Variants in KCNH1 observed in about 807,000 individuals in gnomAD.
KCNH1 encodes voltage-gated delayed rectifier potassium channel KCNH1.
A neutral mutation model predicts 69.2 loss-of-function variants in KCNH1; 27 were observed. The observed-to-expected ratio is 0.39, with a 90% CI of 0.29 to 0.54. The LOEUF (loss-of-function observed/expected upper bound fraction) is 0.54, where lower values mean the gene tolerates loss of function less well. Among genes scored for constraint, KCNH1 ranks in the 20% least tolerant of loss-of-function variants. The probability of loss-of-function intolerance (pLI) is 0.68; values close to 1 mark genes in which losing one functional copy is unlikely to be tolerated. For missense variants in KCNH1, 798 were observed against 1,261.6 expected (o/e 0.63, Z 5.57); for synonymous variants, 456 against 487.7 (o/e 0.93, Z 0.86).
At chr1:210,771,446 G>A (rs368475093) in intron 10 of KCNH1, among the ~76,000 whole-genome samples, 56 of 152,306 alleles carry the variant, frequency 3.7e-4, no homozygotes, top group African/African-American at 1.3e-3. Context: ...ACTTCCCAGA[G>A]CGACTGATCC....
At chr1:210,914,742 CAA>C in intron 7 of KCNH1, among the ~76,000 whole-genome samples, 1 of 152,198 alleles carries the variant, frequency 6.6e-6, no homozygotes, top group East Asian at 1.9e-4. Context: ...GAAATGCTCA[CAA>C]GAGTCCCTTT....
intron 8 of KCNH1, 91 bp from the exon 9 acceptor site, chr1:210,797,851 A>G (rs1358175414): frequency 1.4e-6 from 2 of 1,405,924 alleles, no homozygotes; most frequent in Non-Finnish European, 1.9e-6. Context: ...AGCAACATCC[A>G]CTACGCCAGA....
intron 5 of KCNH1, among the ~76,000 whole-genome samples, chr1:211,076,632 T>C (rs996016387): frequency 2.0e-5 from 3 of 152,058 alleles, no homozygotes; most frequent in Admixed American, 6.5e-5. Context: ...CAAAGGTAGA[T>C]AAAACCACAA....
At chr1:211,002,313 CGTGTATATATATATGTGTGTGT>C (rs1689200901) in intron 6 of KCNH1, among the ~76,000 whole-genome samples, 1 of 133,748 alleles carries the variant, frequency 7.5e-6, no homozygotes, top group Non-Finnish European at 1.6e-5. Context: ...TACATGTATA[CGTGTATATATATATGTGTGTGT>C]GTGTATATAT....
rs905212788 is a variant in KCNH1 at position 211,121,229 on chromosome 1, C to T, written c.79+12638G>A. ...AAGACCCTATATAGCCAAGACAATC[C>T]TAAGCAAAAAGAACAAAACTGGAGG... is the stretch of plus-strand genomic sequence containing the variant. On this transcript the variant is annotated intron_variant, in intron 1 of 10. Transcript: ENST00000271751. Among the ~76,000 whole-genome samples the T allele has an allele frequency of 2.6e-5, 4 of 152,058 alleles. No homozygotes were observed. In the East Asian group the frequency reaches 7.7e-4, roughly 29 times the overall value.
intron 6 of KCNH1, among the ~76,000 whole-genome samples, chr1:210,938,998 A>T (rs1056933978): frequency 4.6e-5 from 7 of 152,138 alleles, no homozygotes; most frequent in African/African-American, 1.7e-4. Context: ...GTCTTTATGG[A>T]TGAAAAATTG....
chr1:210,982,561 T>C (rs1375349342), intron 6 of KCNH1, among the ~76,000 whole-genome samples: 3 of 152,224 alleles, frequency 2.0e-5, no homozygotes, highest in Non-Finnish European at 4.4e-5. Context: ...AGAATGATGG[T>C]TTCCAGTTTC....
chr1:211,038,129 T>G (rs530812218), intron 5 of KCNH1, among the ~76,000 whole-genome samples: 11 of 151,788 alleles, frequency 7.2e-5, no homozygotes, highest in Admixed American at 7.2e-4. Context: ...CTGGCTAAAT[T>G]TTTTGTATTT....
intron 5 of KCNH1, among the ~76,000 whole-genome samples, chr1:211,049,460 G>A (rs79793833): frequency 2.2e-3 from 338 of 152,300 alleles, no homozygotes; most frequent in African/African-American, 7.7e-3. Context: ...AATGTGGTGT[G>A]GCTGAAACAT....
chr1:210,871,801 A>G (rs563780934), intron 7 of KCNH1, among the ~76,000 whole-genome samples: 6 of 149,852 alleles, frequency 4.0e-5, no homozygotes, highest in South Asian at 2.1e-4. Context: ...CTATCGCAAG[A>G]ACAAAAAACC....
intron 7 of KCNH1, among the ~76,000 whole-genome samples, chr1:210,818,772 A>C (rs1024933681): frequency 9.9e-5 from 15 of 152,182 alleles, no homozygotes; most frequent in Admixed American, 5.2e-4. Flanking sequence ...AACAACACCC[A>C]CATGGGCCCT....
chr1:210,798,368 A>G (rs960094759), intron 8 of KCNH1, among the ~76,000 whole-genome samples: 2 of 152,196 alleles, frequency 1.3e-5, no homozygotes, highest in African/African-American at 2.4e-5. Context: ...TGACTCCTGC[A>G]TAAGTGCAAG....
chr1:211,013,813 T>C (rs1689443532), intron 6 of KCNH1, among the ~76,000 whole-genome samples: 1 of 149,174 alleles, frequency 6.7e-6, no homozygotes, highest in African/African-American at 2.5e-5. Flanking sequence ...AAAGTCCCTC[T>C]TGGGTAACAA....
chr1:210,710,791 T>C (rs1251906646), intron 10 of KCNH1, among the ~76,000 whole-genome samples: 1 of 140,686 alleles, frequency 7.1e-6, no homozygotes, highest in Non-Finnish European at 1.5e-5. Flanking sequence ...TGTGCTCAAA[T>C]AGTGAATTCA....
intron 7 of KCNH1, among the ~76,000 whole-genome samples, chr1:210,865,515 C>G (rs1232480529): frequency 1.3e-5 from 2 of 150,014 alleles, no homozygotes; most frequent in Admixed American, 1.3e-4. Context: ...AATAAGGTAG[C>G]AAAGAAAAAA....
chr1:210,690,982 G>A (rs766460201), intron 10 of KCNH1, among the ~76,000 whole-genome samples: 15 of 152,208 alleles, frequency 9.9e-5, no homozygotes, highest in Admixed American at 2.0e-4. Context: ...ATGTGCACAC[G>A]CTTTGGAAGT....
At chr1:211,058,281 T>C (rs529485194) in intron 5 of KCNH1, among the ~76,000 whole-genome samples, 1 of 152,228 alleles carries the variant, frequency 6.6e-6, no homozygotes, top group South Asian at 2.1e-4. Context: ...GGTACAAAAC[T>C]CACTGGTAAT....
At chr1:210,970,794 C>T (rs1688498269) in intron 6 of KCNH1, among the ~76,000 whole-genome samples, 1 of 152,224 alleles carries the variant, frequency 6.6e-6, no homozygotes, top group African/African-American at 2.4e-5. Context: ...CAAATGGGAT[C>T]TAATTAAACT....
rs138783633 is a variant in KCNH1, at chr1:210,925,053, C to A, written c.1033-4984G>T. Reference sequence around the variant, plus strand: ...CATAAAACTGAAAGAGGTAACAATTCTACCAGATGCACAGATATCAATGTA... The same window carrying A: ...CATAAAACTGAAAGAGGTAACAATTATACCAGATGCACAGATATCAATGTA... On this transcript the variant is annotated intron_variant, in intron 6 of 10. Coordinates refer to ENST00000271751, the MANE Select transcript of KCNH1 (RefSeq NM_172362.3). Among the ~76,000 whole-genome samples, 7 of 152,304 alleles carry A rather than the reference C, an allele frequency of 4.6e-5. No individual in the cohort carries two copies. The East Asian group carries it at 1.3e-3, about 29-fold the overall frequency.
Sources: allele counts gnomAD v4.1 joint callset (sites outside exome capture counted in the v4.1 genomes callset), GRCh38; gene constraint gnomAD v4.1.1; transcripts MANE v1.5; gene names NCBI Gene and HGNC (gene_info 2026-07-23, HGNC 2026-07-21).